The following RABGAP1 variants were observed in gnomAD, a reference collection of about 807,000 sequenced individuals.
RABGAP1 encodes the protein RAB GTPase activating protein 1.
Under a neutral mutation model 137.6 loss-of-function variants are expected in RABGAP1, and 23 were observed. That is an observed-to-expected ratio of 0.17 (90% CI 0.12 to 0.24). The LOEUF is 0.24. Ranked by LOEUF, RABGAP1 falls within the 10% of genes least tolerant of loss-of-function variation. The pLI is 1.00. For missense variants in RABGAP1, 906 were observed against 1,275.8 expected (o/e 0.71, Z 4.42); for synonymous variants, 451 against 450.7 (o/e 1.00, Z -0.01).
intron 13 of RABGAP1, among the ~76,000 whole-genome samples, chr9:123,028,058 A>G (rs1323877519): frequency 2.6e-5 from 4 of 152,198 alleles, no homozygotes; most frequent in Non-Finnish European, 5.9e-5. Context: ...TAAGACTGGA[A>G]ACATATTTGG....
At chr9:122,997,425 G>A in intron 9 of RABGAP1, 64 bp downstream of exon 9, 1 of 1,210,458 alleles carries the variant, frequency 8.3e-7, no homozygotes, top group Non-Finnish European at 1.1e-6. Flanking sequence ...CAAAACTAAG[G>A]ACCCCTTCTT....
At chr9:123,057,641 C>T (rs1429429042) in intron 13 of RABGAP1, among the ~76,000 whole-genome samples, 1 of 152,160 alleles carries the variant, frequency 6.6e-6, no homozygotes, top group African/African-American at 2.4e-5. Flanking sequence ...CCTCACTTCC[C>T]AGACAGGGTG....
chr9:123,083,516 T>G (rs1052366267), intron 19 of RABGAP1, among the ~76,000 whole-genome samples: 1 of 152,222 alleles, frequency 6.6e-6, no homozygotes, highest in Non-Finnish European at 1.5e-5. Context: ...CCCTTAGTCC[T>G]TATCTGTTTG....
chr9:123,081,604 AT>A (rs75368256), intron 19 of RABGAP1, among the ~76,000 whole-genome samples: 90 of 146,602 alleles, frequency 6.1e-4, no homozygotes, highest in Admixed American at 8.2e-4. Flanking sequence ...TTCCTGGCTA[AT>A]TTTTTTTTTT....
At chr9:123,087,105 C>T (rs1198439815) in intron 19 of RABGAP1, among the ~76,000 whole-genome samples, 1 of 152,148 alleles carries the variant, frequency 6.6e-6, no homozygotes, top group Non-Finnish European at 1.5e-5. Flanking sequence ...TTACCAGGTA[C>T]TTATCACACA....
intron 10 of RABGAP1, among the ~76,000 whole-genome samples, chr9:123,002,137 A>G (rs918500400): frequency 6.6e-6 from 1 of 152,110 alleles, no homozygotes; most frequent in Non-Finnish European, 1.5e-5. Flanking sequence ...CCCTGTCTCT[A>G]CTAAAAATAC....
intron 13 of RABGAP1, among the ~76,000 whole-genome samples, chr9:123,064,992 C>T (rs1178443596): frequency 6.6e-6 from 1 of 152,184 alleles, no homozygotes; most frequent in Non-Finnish European, 1.5e-5. Flanking sequence ...GAGCACTTTA[C>T]CTCCTCCTTT....
intron 18 of RABGAP1, 121 bp from the exon 19 acceptor site, chr9:123,076,513 A>G: frequency 7.9e-7 from 1 of 1,261,448 alleles, no homozygotes; most frequent in South Asian, 1.6e-5. Context: ...GGCTCTGACA[A>G]AAGCTAAGAA....
intron 13 of RABGAP1, among the ~76,000 whole-genome samples, chr9:123,059,479 C>T (rs989988856): frequency 1.3e-5 from 2 of 152,090 alleles, no homozygotes; most frequent in Admixed American, 6.6e-5. Context: ...GGCGTGAACC[C>T]GGGAGGCGGA....
intron 11 of RABGAP1, among the ~76,000 whole-genome samples, chr9:123,011,254 A>G (rs902342122): frequency 7.2e-5 from 11 of 152,202 alleles, no homozygotes; most frequent in African/African-American, 2.7e-4. Context: ...TTCATAGAGG[A>G]GAATTCGGTT....
rs562802894 is a variant in RABGAP1 at position 122,996,154 on chromosome 9, A to T, written c.1034+3A>T. 1 of 1,604,546 alleles carries T rather than the reference A, an allele frequency of 6.2e-7. No individual in the cohort carries two copies. The highest frequency in any genetic ancestry group is 8.5e-7 in the Non-Finnish European group (1 of 1,177,594). On this transcript the variant is annotated splice_donor_region_variant and intron_variant, in intron 7 of 25. Transcript: ENST00000373647. ...AATAAAGAACTTGCCATTGAAAGGT[A>T]AGCATTTTTAGTAAGTTTAGCTTAA...
At chr9:122,996,429 C>G (rs1837025891) in intron 7 of RABGAP1, 110 bp from the exon 8 acceptor site, 3 of 1,153,848 alleles carry the variant, frequency 2.6e-6, no homozygotes, top group Non-Finnish European at 3.7e-6. Flanking sequence ...ATTGATAACT[C>G]TAATGTGTTC....
intron 6 of RABGAP1, among the ~76,000 whole-genome samples, chr9:122,992,876 C>G (rs1348474937): frequency 6.6e-6 from 1 of 151,116 alleles, no homozygotes; most frequent in Non-Finnish European, 1.5e-5. Flanking sequence ...ATTAGGTTAA[C>G]ACAACAGTAC....
At chr9:122,992,268 G>T (rs1836765917) in intron 6 of RABGAP1, among the ~76,000 whole-genome samples, 1 of 152,070 alleles carries the variant, frequency 6.6e-6, no homozygotes, top group Non-Finnish European at 1.5e-5. Flanking sequence ...CAAACTCCCG[G>T]CCTCAAGTGA....
intron 2 of RABGAP1, 130 bp downstream of exon 2, chr9:122,957,339 A>G (rs1379240180): frequency 1.3e-5 from 9 of 707,390 alleles, no homozygotes; most frequent in Non-Finnish European, 1.8e-5. Context: ...TTCTTTAAAG[A>G]ATTTTATTTG....
intron 19 of RABGAP1, among the ~76,000 whole-genome samples, chr9:123,081,604 A>AT (rs75368256): frequency 4.4e-4 from 64 of 146,914 alleles, no homozygotes; most frequent in East Asian, 9.9e-4. Flanking sequence ...TTCCTGGCTA[A>AT]TTTTTTTTTT....
chr9:123,034,421 C>T, intron 13 of RABGAP1: 1 of 637,710 alleles, frequency 1.6e-6, no homozygotes, highest in South Asian at 1.9e-5. Flanking sequence ...TGCACCAGAG[C>T]AGCAGCATCA....
At chr9:123,044,298 T>C (rs1372792908) in intron 13 of RABGAP1, among the ~76,000 whole-genome samples, 1 of 152,200 alleles carries the variant, frequency 6.6e-6, no homozygotes, top group African/African-American at 2.4e-5. Context: ...GGCCCAGGTA[T>C]AGAACATTAC....
chr9:122,959,612 A>C (rs11794197), intron 2 of RABGAP1, among the ~76,000 whole-genome samples: 2,786 of 152,298 alleles, frequency 0.018, 31 homozygotes, highest in South Asian at 0.026. Context: ...TCAGAGGGGC[A>C]AGAACCTGTT....
Sources: allele counts gnomAD v4.1 joint callset (sites outside exome capture counted in the v4.1 genomes callset), GRCh38; gene constraint gnomAD v4.1.1; transcripts MANE v1.5; gene names NCBI Gene and HGNC (gene_info 2026-07-23, HGNC 2026-07-21).